SH3RF3: variants seen among roughly 807,000 people sequenced by gnomAD.
SH3RF3 encodes the protein E3 ubiquitin-protein ligase SH3RF3.
A neutral mutation model predicts 66.3 loss-of-function variants in SH3RF3; 29 were observed. The observed-to-expected ratio is 0.44, with a 90% CI of 0.33 to 0.60. The LOEUF (loss-of-function observed/expected upper bound fraction) is 0.60. Among genes scored for constraint, SH3RF3 ranks in the 20% least tolerant of loss-of-function variants. SH3RF3 has a pLI of 0.04. For synonymous variants in SH3RF3, 583 were observed against 532.0 expected (o/e 1.10, Z -1.32); for missense variants, 1,194 against 1,190.9 (o/e 1.00, Z -0.04).
At chr2:109,289,356 AT>A (rs1681111186) in intron 1 of SH3RF3, among the ~76,000 whole-genome samples, 1 of 152,166 alleles carries the variant, frequency 6.6e-6, no homozygotes, top group Non-Finnish European at 1.5e-5. Flanking sequence ...AGAAACAACC[AT>A]TTCAGACAGT....
intron 1 of SH3RF3, among the ~76,000 whole-genome samples, chr2:109,340,941 C>T (rs1339752015): frequency 6.6e-6 from 1 of 152,206 alleles, no homozygotes; most frequent in Non-Finnish European, 1.5e-5. Context: ...CCTCTCCAAT[C>T]TGGCTGCAAC....
intron 2 of SH3RF3, among the ~76,000 whole-genome samples, chr2:109,359,263 C>A (rs1005591631): frequency 6.6e-6 from 1 of 152,130 alleles, no homozygotes; most frequent in Non-Finnish European, 1.5e-5. Context: ...AGGTCTCTTG[C>A]CTCTCCATAT....
At chr2:109,258,462 T>C (rs1212288870) in intron 1 of SH3RF3, among the ~76,000 whole-genome samples, 1 of 152,112 alleles carries the variant, frequency 6.6e-6, no homozygotes, top group African/African-American at 2.4e-5. Context: ...CCTCGGGCCC[T>C]CAGCACAGCC....
intron 1 of SH3RF3, among the ~76,000 whole-genome samples, chr2:109,304,368 G>A (rs2378300): frequency 0.32 from 48,233 of 151,948 alleles, 9,612 homozygotes; most frequent in African/African-American, 0.57. Context: ...GGCTTATTTC[G>A]TTTAACATAA....
intron 1 of SH3RF3, among the ~76,000 whole-genome samples, chr2:109,146,498 T>C (rs1202716642): frequency 6.6e-6 from 1 of 152,126 alleles, no homozygotes; most frequent in Non-Finnish European, 1.5e-5. Flanking sequence ...GAATGTTCAA[T>C]GGCAGGAGGA....
chr2:109,142,681 G>T (rs898701126), intron 1 of SH3RF3, among the ~76,000 whole-genome samples: 1 of 152,300 alleles, frequency 6.6e-6, no homozygotes, highest in South Asian at 2.1e-4. Context: ...CACCTGTGAG[G>T]TCAACTGAGC....
rs146815042 is a variant in SH3RF3, at chr2:109,365,184, C to G, written c.850-6402C>G. Among the ~76,000 whole-genome samples the G allele has an allele frequency of 8.2e-3, 1,247 of 152,326 alleles. 16 individuals carry two copies. Among genetic ancestry groups the G allele is most frequent in the Non-Finnish European group, 0.012 (790 of 68,032 alleles). On this transcript the variant is annotated intron_variant, in intron 2 of 9. Coordinates refer to ENST00000309415, the MANE Select transcript of SH3RF3 (RefSeq NM_001099289.3). ...TCACAGTGGTTCCTCTTCCCCTCCCCCTGCCAGAAGCACGAGTGGATTTTT... is the reference window on the plus strand; with the variant it reads ...TCACAGTGGTTCCTCTTCCCCTCCCGCTGCCAGAAGCACGAGTGGATTTTT...
chr2:109,247,279 C>T lies in SH3RF3; in HGVS notation c.574-100395C>T, dbSNP rs559319767. Reference sequence around the variant, plus strand: ...CCTTAATGTCCTGGAATCGGTGACACACCAAGGATGGCTTTCAAGAGCTTT... The same window carrying T: ...CCTTAATGTCCTGGAATCGGTGACATACCAAGGATGGCTTTCAAGAGCTTT... On this transcript the variant is annotated intron_variant, in intron 1 of 9. Transcript: ENST00000309415. 2.6e-5 allele frequency among the ~76,000 whole-genome samples: 4 copies of T among 152,296 alleles called. No individual in the cohort carries two copies. In the East Asian group the frequency reaches 5.8e-4, roughly 22 times the overall value.
chr2:109,329,195 A>C (rs2105482015), intron 1 of SH3RF3, among the ~76,000 whole-genome samples: 1 of 152,186 alleles, frequency 6.6e-6, no homozygotes, highest in Admixed American at 6.5e-5. Context: ...CTCTGTGCTC[A>C]GCCTTCTCCT....
At chr2:109,311,577 T>G (rs1681725772) in intron 1 of SH3RF3, among the ~76,000 whole-genome samples, 1 of 152,178 alleles carries the variant, frequency 6.6e-6, no homozygotes, top group African/African-American at 2.4e-5. Flanking sequence ...ACGACATGAT[T>G]GTATATCAAG....
intron 8 of SH3RF3, among the ~76,000 whole-genome samples, chr2:109,479,015 C>T (rs1321034622): frequency 6.6e-6 from 1 of 152,180 alleles, no homozygotes; most frequent in Non-Finnish European, 1.5e-5. Context: ...GCTGCAGCCT[C>T]CTGGAGGTGG....
At chr2:109,481,466 A>G (rs1206204654) in intron 8 of SH3RF3, among the ~76,000 whole-genome samples, 3 of 152,160 alleles carry the variant, frequency 2.0e-5, no homozygotes, top group East Asian at 1.9e-4. Flanking sequence ...GTGACTGGTC[A>G]AGGCTGGGCT....
At chr2:109,250,421 G>A (rs1221713425) in intron 1 of SH3RF3, among the ~76,000 whole-genome samples, 1 of 151,876 alleles carries the variant, frequency 6.6e-6, no homozygotes, top group African/African-American at 2.4e-5. Flanking sequence ...GTTTCTTCAT[G>A]AAACAATCAT....
chr2:109,471,007 G>A (rs1291888345), intron 8 of SH3RF3, among the ~76,000 whole-genome samples: 5 of 152,002 alleles, frequency 3.3e-5, no homozygotes, highest in African/African-American at 9.7e-5. Flanking sequence ...ATCACTTGAG[G>A]TCAGGAGTTC....
intron 4 of SH3RF3, among the ~76,000 whole-genome samples, chr2:109,403,020 G>A (rs1261340217): frequency 1.8e-4 from 27 of 152,202 alleles, no homozygotes; most frequent in Admixed American, 1.8e-3. Flanking sequence ...GGATGTGGAT[G>A]AGGAAGCCCC....
chr2:109,280,477 C>T (rs916653981), intron 1 of SH3RF3, among the ~76,000 whole-genome samples: 3 of 152,172 alleles, frequency 2.0e-5, no homozygotes, highest in African/African-American at 7.2e-5. Context: ...AATCCCTTCT[C>T]GTTCCCGGGT....
At chr2:109,462,652 C>T (rs1172478175) in intron 8 of SH3RF3, among the ~76,000 whole-genome samples, 1 of 152,196 alleles carries the variant, frequency 6.6e-6, no homozygotes. Context: ...TAGTGGCTTC[C>T]ACTGGCCTTT....
intron 1 of SH3RF3, among the ~76,000 whole-genome samples, chr2:109,227,153 C>G (rs974974869): frequency 2.6e-5 from 4 of 152,172 alleles, no homozygotes; most frequent in Non-Finnish European, 5.9e-5. Flanking sequence ...GAACTGATGG[C>G]AGTGGCAGTG....
intron 5 of SH3RF3, among the ~76,000 whole-genome samples, chr2:109,431,339 C>G (rs1308590443): frequency 3.3e-5 from 5 of 152,234 alleles, no homozygotes; most frequent in Non-Finnish European, 1.5e-5. Flanking sequence ...CCACCAGCTT[C>G]CGTGGCTGAA....
Sources: gnomAD v4.1 joint callset for allele counts (sites outside exome capture counted in the v4.1 genomes callset) on GRCh38, gnomAD v4.1.1 for gene constraint, MANE v1.5 for transcripts, NCBI Gene and HGNC (gene_info 2026-07-23, HGNC 2026-07-21) for gene names.